GPC3: variants seen among roughly 807,000 people sequenced by gnomAD.
GPC3 encodes glypican 3.
In GPC3, 3 loss-of-function variants were observed where a neutral mutation model predicts 34.4. The observed-to-expected ratio is 0.09, with a 90% confidence interval of 0.04 to 0.23. GPC3 has a LOEUF of 0.23. Ranked by LOEUF, GPC3 falls within the 10% of genes least tolerant of loss-of-function variation. The pLI, the probability that GPC3 is intolerant of heterozygous loss-of-function variation, is 1.00. For synonymous variants in GPC3, 177 were observed against 174.0 expected (o/e 1.02, Z -0.13); for missense variants, 351 against 445.6 (o/e 0.79, Z 1.91).
intron 6 of GPC3, among the ~76,000 whole-genome samples, chrX:133,609,875 T>C (rs1430475104): frequency 1.8e-5 from 2 of 112,520 alleles, no homozygotes; most frequent in East Asian, 2.8e-4. Context: ...TGATTTAGTG[T>C]ATCTATATAC....
At chrX:133,920,286 C>A (rs908417067) in intron 2 of GPC3, among the ~76,000 whole-genome samples, 1 of 111,688 alleles carries the variant, frequency 9.0e-6, no homozygotes, top group African/African-American at 3.3e-5. Context: ...GGTAGTGGCA[C>A]AGACACCACA....
At chrX:133,803,473 T>C (rs1210574643) in intron 2 of GPC3, among the ~76,000 whole-genome samples, 2 of 112,003 alleles carry the variant, frequency 1.8e-5, no homozygotes, top group East Asian at 5.6e-4. Context: ...TTGAGGCCTG[T>C]AATAGCCATT....
intron 3 of GPC3, among the ~76,000 whole-genome samples, chrX:133,739,441 T>A (rs2071543293): frequency 8.9e-6 from 1 of 112,139 alleles, no homozygotes; most frequent in African/African-American, 3.2e-5. Context: ...AAAATTTTCA[T>A]AGTAGTTCTG....
chrX:133,584,954 AC>A (rs1413856375), intron 7 of GPC3, among the ~76,000 whole-genome samples: 7 of 110,727 alleles, frequency 6.3e-5, no homozygotes, highest in Admixed American at 1.9e-4. Flanking sequence ...AAACAAAAAA[AC>A]AAAAAACAGA....
intron 5 of GPC3, among the ~76,000 whole-genome samples, chrX:133,672,841 G>A (rs1001303599): frequency 1.8e-5 from 2 of 109,357 alleles, no homozygotes; most frequent in African/African-American, 3.3e-5. Context: ...TAGTAGAGAC[G>A]GGGTTTCACC....
At chrX:133,946,383 T>C (rs1489949877) in intron 2 of GPC3, among the ~76,000 whole-genome samples, 1 of 111,945 alleles carries the variant, frequency 8.9e-6, no homozygotes, top group Non-Finnish European at 1.9e-5. Context: ...AGTGATAAAA[T>C]GAGGCTAATG....
chrX:133,623,303 A>G (rs113263843), intron 6 of GPC3, among the ~76,000 whole-genome samples: 7 of 112,197 alleles, frequency 6.2e-5, no homozygotes, highest in Non-Finnish European at 1.1e-4. Flanking sequence ...AAATTCACAC[A>G]TAACAATATT....
At chrX:133,915,973 C>T (rs891426515) in intron 2 of GPC3, among the ~76,000 whole-genome samples, 1 of 109,496 alleles carries the variant, frequency 9.1e-6, no homozygotes, top group Non-Finnish European at 1.9e-5. Context: ...GGTAAAACCC[C>T]GTCTCTACTA....
intron 7 of GPC3, among the ~76,000 whole-genome samples, chrX:133,550,629 T>A (rs779305380): frequency 9.0e-5 from 10 of 111,689 alleles, no homozygotes; most frequent in Non-Finnish European, 1.7e-4. Flanking sequence ...CAGGAAACAA[T>A]GGCTGCATGA....
chrX:133,686,577 T>C (rs1335548529), intron 5 of GPC3, among the ~76,000 whole-genome samples: 1 of 110,986 alleles, frequency 9.0e-6, no homozygotes, highest in African/African-American at 3.3e-5. Flanking sequence ...AGAAAGCAGA[T>C]TGTTGCTTGC....
At chrX:133,806,735 G>C (rs751955313) in intron 2 of GPC3, among the ~76,000 whole-genome samples, 1 of 109,840 alleles carries the variant, frequency 9.1e-6, no homozygotes, top group African/African-American at 3.3e-5. Context: ...TGCAAGTTCC[G>C]CCTCCCGGGT....
chrX:133,631,768 C>G (rs1480655185), intron 6 of GPC3, among the ~76,000 whole-genome samples: 1 of 111,420 alleles, frequency 9.0e-6, no homozygotes, highest in Non-Finnish European at 1.9e-5. Context: ...ACATCCTCCC[C>G]AACACTTGTT....
chrX:133,662,677 G>T (rs1007507048), intron 5 of GPC3, among the ~76,000 whole-genome samples: 1 of 112,001 alleles, frequency 8.9e-6, no homozygotes, highest in Non-Finnish European at 1.9e-5. Flanking sequence ...CTCATTTTGC[G>T]AAACAAAGCA....
At chrX:133,788,120 A>G (rs12847191) in intron 2 of GPC3, among the ~76,000 whole-genome samples, 18 of 81,783 alleles carry the variant, frequency 2.2e-4, no homozygotes, top group Admixed American at 3.9e-4. Flanking sequence ...ATATATATAT[A>G]TATGTATGTA....
At chrX:133,806,736 C>G (rs1218100540) in intron 2 of GPC3, among the ~76,000 whole-genome samples, 2 of 110,298 alleles carry the variant, frequency 1.8e-5, no homozygotes, top group Non-Finnish European at 3.8e-5. Context: ...GCAAGTTCCG[C>G]CTCCCGGGTT....
intron 4 of GPC3, among the ~76,000 whole-genome samples, chrX:133,695,787 A>G (rs2071111274): frequency 8.9e-6 from 1 of 112,575 alleles, no homozygotes; most frequent in African/African-American, 3.2e-5. Flanking sequence ...AGAAAGGGAA[A>G]AAAATTCATG....
intron 1 of GPC3, among the ~76,000 whole-genome samples, chrX:133,970,640 CA>C (rs1281771360): frequency 1.0e-5 from 1 of 99,190 alleles, no homozygotes; most frequent in Non-Finnish European, 2.0e-5. Flanking sequence ...GTCCATCAAG[CA>C]AAGTGCAAAG....
At chrX:133,624,975 G>T (rs1301400651) in intron 6 of GPC3, among the ~76,000 whole-genome samples, 1 of 112,048 alleles carries the variant, frequency 8.9e-6, no homozygotes. Flanking sequence ...CCACGATCAA[G>T]TTGGCTTCAT....
intron 6 of GPC3, among the ~76,000 whole-genome samples, chrX:133,633,117 A>G (rs2070382552): frequency 9.0e-6 from 1 of 111,611 alleles, no homozygotes; most frequent in Non-Finnish European, 1.9e-5. Flanking sequence ...TTTTAATGTC[A>G]TTTCTCCAGT....
Sources: gnomAD v4.1 joint callset for allele counts (sites outside exome capture counted in the v4.1 genomes callset) on GRCh38, gnomAD v4.1.1 for gene constraint, MANE v1.5 for transcripts, NCBI Gene and HGNC (gene_info 2026-07-23, HGNC 2026-07-21) for gene names.